The following GPR158 variants were observed in gnomAD, a reference collection of about 807,000 sequenced individuals.
The protein encoded by GPR158 is metabotropic glycine receptor.
A neutral mutation model predicts 78.2 loss-of-function variants in GPR158; 30 were observed. The observed-to-expected ratio is 0.38, with a 90% confidence interval of 0.29 to 0.52. The LOEUF is 0.52. GPR158 is among the 20% of genes least tolerant of loss of function. The pLI is 0.83. For missense variants in GPR158, 1,463 were observed against 1,523.5 expected, an observed-to-expected ratio of 0.96 and a Z score of 0.66; for synonymous variants, 581 against 591.1, an observed-to-expected ratio of 0.98 and a Z score of 0.25.
In GPR158 at chr10:25,309,240, A is replaced by G. The variant is rs189582919; in HGVS notation, c.1009-86671A>G. Among the ~76,000 whole-genome samples, 619 of 145,224 alleles carry G rather than the reference A, an allele frequency of 4.3e-3. 1 individual carries two copies. Among genetic ancestry groups the G allele is most frequent in the Non-Finnish European group, 7.3e-3 (489 of 66,902 alleles). On this transcript the variant is annotated intron_variant, in intron 2 of 10. Transcript: ENST00000376351. Reference sequence around the variant, plus strand: ...CTGTGTGTGTGTGTGTGTGTTTTCAATAGCTATCCTAATGGTGTAAGGTGG... The same window carrying G: ...CTGTGTGTGTGTGTGTGTGTTTTCAGTAGCTATCCTAATGGTGTAAGGTGG...
At chr10:25,277,232 G>A (rs533527926) in intron 2 of GPR158, among the ~76,000 whole-genome samples, 16 of 152,148 alleles carry the variant, frequency 1.1e-4, no homozygotes, top group Admixed American at 6.5e-4. Flanking sequence ...GACCACAGGC[G>A]TGTTCCACAG....
At chr10:25,197,134 A>T (rs1234890956) in intron 1 of GPR158, among the ~76,000 whole-genome samples, 1 of 152,128 alleles carries the variant, frequency 6.6e-6, no homozygotes, top group Non-Finnish European at 1.5e-5. Flanking sequence ...GAAACATATG[A>T]TCTGTTCACT....
chr10:25,582,702 G>T (rs1837219273), intron 7 of GPR158, among the ~76,000 whole-genome samples: 1 of 152,102 alleles, frequency 6.6e-6, no homozygotes, highest in Non-Finnish European at 1.5e-5. Context: ...ATTCAAAATT[G>T]TTACTCCTGC....
intron 1 of GPR158, among the ~76,000 whole-genome samples, chr10:25,183,575 A>G (rs1201065191): frequency 6.6e-6 from 1 of 152,172 alleles, no homozygotes; most frequent in Non-Finnish European, 1.5e-5. Flanking sequence ...CAAAGTTGCT[A>G]ATACTTCTAT....
At chr10:25,375,468 T>TA (rs34155761) in intron 2 of GPR158, among the ~76,000 whole-genome samples, 24 of 19,736 alleles carry the variant, frequency 1.2e-3, no homozygotes, top group African/African-American at 3.0e-3. Context: ...GTTTTTCTCT[T>TA]TTTTTTCTAC....
intron 2 of GPR158, among the ~76,000 whole-genome samples, chr10:25,299,340 C>T (rs1854559781): frequency 6.6e-6 from 1 of 152,100 alleles, no homozygotes; most frequent in Admixed American, 6.5e-5. Context: ...GATCCCTAGA[C>T]TTATTCATTG....
At chr10:25,433,887 C>T (rs1011245451) in intron 4 of GPR158, among the ~76,000 whole-genome samples, 2 of 151,614 alleles carry the variant, frequency 1.3e-5, no homozygotes, top group African/African-American at 2.4e-5. Context: ...TGGTCAGGCG[C>T]GGTGGCTCAC....
intron 5 of GPR158, among the ~76,000 whole-genome samples, chr10:25,536,069 C>T (rs1836496300): frequency 6.6e-6 from 1 of 152,146 alleles, no homozygotes; most frequent in South Asian, 2.1e-4. Flanking sequence ...AAAGCCTAGC[C>T]TGGCATTTAG....
chr10:25,286,329 T>C (rs925343177), intron 2 of GPR158, among the ~76,000 whole-genome samples: 1 of 152,170 alleles, frequency 6.6e-6, no homozygotes, highest in African/African-American at 2.4e-5. Flanking sequence ...TGTCTCTAAG[T>C]TCACTGTTTC....
chr10:25,197,222 G>T (rs913086392), intron 1 of GPR158, among the ~76,000 whole-genome samples: 1 of 152,090 alleles, frequency 6.6e-6, no homozygotes, highest in Non-Finnish European at 1.5e-5. Flanking sequence ...TATCACATTC[G>T]CCCTTTTACT....
At chr10:25,354,614 G>A (rs1330771889) in intron 2 of GPR158, among the ~76,000 whole-genome samples, 1 of 152,066 alleles carries the variant, frequency 6.6e-6, no homozygotes, top group Non-Finnish European at 1.5e-5. Flanking sequence ...TCCAGTGTTA[G>A]AGTATTCTTG....
chr10:25,460,596 G>A (rs1045920420), intron 4 of GPR158, among the ~76,000 whole-genome samples: 1 of 152,126 alleles, frequency 6.6e-6, no homozygotes, highest in African/African-American at 2.4e-5. Flanking sequence ...CTCCTTCAAA[G>A]ATATTAACAT....
intron 2 of GPR158, among the ~76,000 whole-genome samples, chr10:25,361,719 C>G (rs576609934): frequency 4.7e-4 from 72 of 152,044 alleles, no homozygotes; most frequent in Non-Finnish European, 8.4e-4. Context: ...TTGGATACTT[C>G]TTAGCCAATT....
intron 6 of GPR158, 90 bp from the exon 7 acceptor site, chr10:25,572,559 T>C: frequency 1.1e-6 from 1 of 882,742 alleles, no homozygotes; most frequent in Non-Finnish European, 1.9e-6. Context: ...TTTTGGTGGG[T>C]TTACATTTTA....
chr10:25,284,967 T>G (rs1854327958), intron 2 of GPR158, among the ~76,000 whole-genome samples: 1 of 152,170 alleles, frequency 6.6e-6, no homozygotes, highest in Non-Finnish European at 1.5e-5. Flanking sequence ...AATACATTGC[T>G]ATTATTTTTT....
At chr10:25,468,811 G>A (rs1317221037) in intron 5 of GPR158, among the ~76,000 whole-genome samples, 1 of 152,170 alleles carries the variant, frequency 6.6e-6, no homozygotes, top group African/African-American at 2.4e-5. Flanking sequence ...TACTCTATCA[G>A]CAAGACAAAC....
intron 5 of GPR158, among the ~76,000 whole-genome samples, chr10:25,533,717 G>T (rs1288363342): frequency 6.6e-6 from 1 of 152,092 alleles, no homozygotes; most frequent in East Asian, 1.9e-4. Context: ...ATAGCACCAG[G>T]CATTCTAAAA....
intron 1 of GPR158, among the ~76,000 whole-genome samples, chr10:25,207,134 C>T (rs1853052656): frequency 6.6e-6 from 1 of 152,018 alleles, no homozygotes; most frequent in Non-Finnish European, 1.5e-5. Context: ...GGAGACATTA[C>T]CTCATCCCTT....
chr10:25,587,088 C>T (rs1436435789), intron 7 of GPR158, among the ~76,000 whole-genome samples: 1 of 152,110 alleles, frequency 6.6e-6, no homozygotes, highest in African/African-American at 2.4e-5. Context: ...GGAGGGGTAA[C>T]AAAGAGAAGT....
Sources: gnomAD v4.1 joint callset for allele counts (sites outside exome capture counted in the v4.1 genomes callset) on GRCh38, gnomAD v4.1.1 for gene constraint, MANE v1.5 for transcripts, NCBI Gene and HGNC (gene_info 2026-07-23, HGNC 2026-07-21) for gene names.